The following ARMC1 variants were observed in gnomAD, a reference collection of about 807,000 sequenced individuals.
ARMC1 encodes armadillo repeat-containing protein 1.
Under a neutral mutation model 31.4 loss-of-function variants are expected in ARMC1, and 16 were observed. The observed-to-expected ratio is 0.51, with a 90% CI of 0.34 to 0.77. The LOEUF is 0.77. ARMC1 is among the 30% of genes least tolerant of loss of function. The pLI is 0.01. For synonymous variants in ARMC1, 114 were observed against 118.9 expected (o/e 0.96, Z 0.27); for missense variants, 259 against 347.5 (o/e 0.75, Z 2.02).
At chr8:65,630,638 G>C (rs1808622658) in intron 1 of ARMC1, among the ~76,000 whole-genome samples, 1 of 152,152 alleles carries the variant, frequency 6.6e-6, no homozygotes, top group African/African-American at 2.4e-5. Flanking sequence ...GGCCAGCATG[G>C]TGAAACTCCG....
intron 3 of ARMC1, among the ~76,000 whole-genome samples, chr8:65,621,003 T>C (rs543638971): frequency 6.6e-6 from 1 of 152,050 alleles, no homozygotes; most frequent in East Asian, 1.9e-4. Flanking sequence ...GAGGATGAGG[T>C]GGGAGAATAG....
At chr8:65,623,173 T>A (rs557425778) in intron 2 of ARMC1, among the ~76,000 whole-genome samples, 4 of 150,392 alleles carry the variant, frequency 2.7e-5, no homozygotes, top group African/African-American at 9.8e-5. Context: ...CTGGGCATGG[T>A]GGCAGGTGCC....
intron 2 of ARMC1, among the ~76,000 whole-genome samples, chr8:65,622,740 C>T (rs7012856): frequency 0.64 from 95,802 of 150,848 alleles, 30,636 homozygotes; most frequent in African/African-American, 0.69. Context: ...GCGGGGGGAA[C>T]GACGTGGGCA....
chr8:65,621,858 T>G (rs1438203304), intron 3 of ARMC1, among the ~76,000 whole-genome samples: 1 of 152,226 alleles, frequency 6.6e-6, no homozygotes, highest in Non-Finnish European at 1.5e-5. Context: ...CTTTCTTATT[T>G]TATAGTTCCA....
intron 3 of ARMC1, among the ~76,000 whole-genome samples, 170 bp downstream of exon 3, chr8:65,622,093 T>C (rs976360275): frequency 5.9e-5 from 9 of 152,184 alleles, no homozygotes; most frequent in African/African-American, 1.4e-4. Flanking sequence ...CTACAGGACA[T>C]TAAAACATAG....
Position 65,627,227 on chromosome 8 carries a change from A to G in ARMC1, c.172T>C (p.Ser58Pro). 1 of 1,571,864 alleles carries G rather than the reference A, an allele frequency of 6.4e-7. No homozygotes were observed. The highest frequency in any genetic ancestry group is 8.6e-7 in the Non-Finnish European group (1 of 1,156,330). ...MDHPNPPVVHSALLALRYLAE... is the reference protein window; with the variant it reads ...MDHPNPPVVHPALLALRYLAE... ...TAAAGGCAACTTACAAGCAAAGCGG[A>G]GTGGACGACTGGAGGGTTGGGATGG... The change falls in exon 2 of 7, where the codon TCC (serine) becomes CCC (proline). Residue 58 changes from serine to proline, a missense_variant. Coordinates refer to ENST00000276569, the MANE Select transcript of ARMC1 (RefSeq NM_018120.6).
At chr8:65,616,891 G>T (rs201956441) in intron 3 of ARMC1, among the ~76,000 whole-genome samples, 1 of 134,866 alleles carries the variant, frequency 7.4e-6, no homozygotes, top group Non-Finnish European at 1.6e-5. Context: ...GAGCCCCTCC[G>T]CCCGGCAGCC....
chr8:65,611,796 C>A (rs962400189), intron 4 of ARMC1, among the ~76,000 whole-genome samples: 1 of 148,674 alleles, frequency 6.7e-6, no homozygotes, highest in African/African-American at 2.5e-5. Flanking sequence ...TTTTTTGAGA[C>A]GGAGTCTCAC....
chr8:65,620,793 T>C (rs571606331), intron 3 of ARMC1, among the ~76,000 whole-genome samples: 103 of 32,954 alleles, frequency 3.1e-3, no homozygotes, highest in Non-Finnish European at 5.5e-3. Flanking sequence ...AGAATTTAGT[T>C]CCATTTAAAA....
Position 65,604,527 on chromosome 8 carries a change from T to C in ARMC1, c.716A>G (p.Asp239Gly). The C allele has an allele frequency of 6.2e-7, 1 of 1,614,114 alleles. No individual in the cohort carries two copies. Among genetic ancestry groups the C allele is most frequent in the East Asian group, 2.2e-5 (1 of 44,888 alleles). ...GGGACTCTCATCCTCAGGCAGGTAG[T>C]CAGGTAGCTCTGTGTTCTGTTCAAC... ...VEVEQNTELP[D>G]YLPEDESPTK... Residue 239 changes from aspartate (D) to glycine (G), a missense_variant, in exon 7 of 7, where the codon GAC (aspartate) becomes GGC (glycine). By Grantham distance (94) the Asp-to-Gly change is moderately conservative. Around this residue, in one of 3 missense-constraint regions of ARMC1, gnomAD observed 73 missense variants for 100.0 expected, o/e 0.73. Coordinates refer to ENST00000276569, the MANE Select transcript of ARMC1 (RefSeq NM_018120.6).
chr8:65,630,369 G>T (rs1175299994), intron 1 of ARMC1, among the ~76,000 whole-genome samples: 2 of 152,110 alleles, frequency 1.3e-5, no homozygotes, highest in Admixed American at 6.6e-5. Context: ...AACACTCTGG[G>T]TGTTGGCCTT....
At position 65,604,132 on chromosome 8, in the gene ARMC1, T is replaced by C. The variant is rs993958365; in HGVS notation, c.*262A>G. ...ACATGTGGTTTTAACAGTGGACCCA[T>C]GGTTTTTAAATATGAGGCAATTAAA... On this transcript the variant is annotated 3_prime_UTR_variant, in exon 7 of 7. Transcript: ENST00000276569. 1 of 334,206 alleles carries C rather than the reference T, an allele frequency of 3.0e-6. No individual in the cohort carries two copies. The highest frequency in any genetic ancestry group is 2.1e-5 in the African/African-American group (1 of 47,328). 20.7% of individuals were successfully genotyped at this position (334,206 alleles called of 1,614,324 possible). A position where few individuals can be genotyped will look rare whatever the true frequency, so the allele number is the denominator to read the frequency against.
At chr8:65,605,580 A>T (rs1222764733) in intron 4 of ARMC1, 42 bp from the exon 5 acceptor site, 3 of 1,384,760 alleles carry the variant, frequency 2.2e-6, no homozygotes. Context: ...TAGGTAAATA[A>T]AAGGTAATAA....
chr8:65,609,133 CTTTTT>C (rs63319761), intron 4 of ARMC1, among the ~76,000 whole-genome samples: 3 of 107,626 alleles, frequency 2.8e-5, no homozygotes, highest in African/African-American at 3.0e-5. Context: ...GGTTTCTGCT[CTTTTT>C]TTTTTTTTTT....
chr8:65,611,258 A>G (rs1808134071), intron 4 of ARMC1, among the ~76,000 whole-genome samples: 1 of 152,090 alleles, frequency 6.6e-6, no homozygotes, highest in South Asian at 2.1e-4. Context: ...TGATGTCTGT[A>G]GGATCTATAG....
rs1807949825 is a variant in ARMC1 at position 65,604,104 on chromosome 8, T to C, written c.*290A>G. 1 of 250,032 alleles carries C rather than the reference T, an allele frequency of 4.0e-6. No individual in the cohort carries two copies. The highest frequency in any genetic ancestry group is 7.7e-6 in the Non-Finnish European group (1 of 130,038). 15.5% of individuals were successfully genotyped at this position (250,032 alleles called of 1,614,324 possible). A position where few individuals can be genotyped will look rare whatever the true frequency, so the allele number is the denominator to read the frequency against. ...GTAAAATAAAATGTAAAGCTGCACA[T>C]ACACATGTGGTTTTAACAGTGGACC... is the stretch of plus-strand genomic sequence containing the variant. On this transcript the variant is annotated 3_prime_UTR_variant, in exon 7 of 7. Transcript: ENST00000276569.
At chr8:65,618,521 C>CAAAAAA (rs34079304) in intron 3 of ARMC1, among the ~76,000 whole-genome samples, 1 of 98,702 alleles carries the variant, frequency 1.0e-5, no homozygotes, top group Non-Finnish European at 2.0e-5. Flanking sequence ...GACTCAGTCT[C>CAAAAAA]AAAAAAAAAA....
In ARMC1 at chr8:65,623,256, C is replaced by T. The variant is rs564251455; in HGVS notation, c.184-902G>A. Among the ~76,000 whole-genome samples, 13 of 134,080 alleles carry T rather than the reference C, an allele frequency of 9.7e-5. No homozygotes were observed. The South Asian group carries it at 2.7e-3, about 28-fold the overall frequency. 88.0% of individuals were successfully genotyped at this position (134,080 alleles called of 152,430 possible). On this transcript the variant is annotated intron_variant, in intron 2 of 6. Coordinates refer to ENST00000276569, the MANE Select transcript of ARMC1 (RefSeq NM_018120.6). ...CGGGGAGGCGGAGGTTGCAGTGAGCCGAGATCGTGCTGCCGCACTCCAGCC... is the reference window on the plus strand; with the variant it reads ...CGGGGAGGCGGAGGTTGCAGTGAGCTGAGATCGTGCTGCCGCACTCCAGCC...
At chr8:65,632,814 A>C (rs184696003) in intron 1 of ARMC1, 3 of 109,994 alleles carry the variant, frequency 2.7e-5, no homozygotes, top group African/African-American at 1.2e-4. Context: ...CGACAGAGCG[A>C]TACTCCGTCT....
Sources: gnomAD v4.1 joint callset for allele counts (sites outside exome capture counted in the v4.1 genomes callset) on GRCh38, gnomAD v4.1.1 for gene constraint, gnomAD v4.1.1 regional missense constraint, MANE v1.5 for transcripts, NCBI Gene and HGNC (gene_info 2026-07-23, HGNC 2026-07-21) for gene names.